Variants in ZPBP observed in about 807,000 individuals in gnomAD.
ZPBP encodes the protein zona pellucida binding protein.
ZPBP carries 26 observed loss-of-function variants against 44.8 expected under a neutral mutation model. That is an observed-to-expected ratio of 0.58 (90% CI 0.43 to 0.81). The LOEUF is 0.81. Among genes scored for constraint, ZPBP ranks in the 30% least tolerant of loss-of-function variants. ZPBP has a pLI of 0.00. For missense variants in ZPBP, 409 were observed against 434.0 expected, an observed-to-expected ratio of 0.94 and a Z score of 0.51; for synonymous variants, 174 against 153.2, an observed-to-expected ratio of 1.14 and a Z score of -1.00.
chr7:50,067,448 T>A (rs1192356884), intron 3 of ZPBP, among the ~76,000 whole-genome samples: 7 of 152,222 alleles, frequency 4.6e-5, no homozygotes, highest in Non-Finnish European at 8.8e-5. Context: ...GCCAAAGAGT[T>A]CTTGTCAGAG....
intron 7 of ZPBP, among the ~76,000 whole-genome samples, chr7:49,957,056 A>G (rs927141423): frequency 1.3e-5 from 2 of 152,122 alleles, no homozygotes; most frequent in African/African-American, 2.4e-5. Context: ...TGTCATTATC[A>G]TGGGGTTGGA....
intron 6 of ZPBP, among the ~76,000 whole-genome samples, chr7:49,993,795 C>T (rs546222773): frequency 6.5e-4 from 99 of 152,280 alleles, no homozygotes; most frequent in African/African-American, 2.3e-3. Flanking sequence ...ATCCATATTG[C>T]TGAACCCATG....
chr7:49,853,327 C>T (rs1387921528), intron 2 of ZPBP, among the ~76,000 whole-genome samples: 1 of 152,246 alleles, frequency 6.6e-6, no homozygotes, highest in African/African-American at 2.4e-5. Flanking sequence ...TGGGGGCACA[C>T]CCCTGTCCCT....
At chr7:50,018,657 G>A (rs147065740) in intron 5 of ZPBP, among the ~76,000 whole-genome samples, 145 of 151,888 alleles carry the variant, frequency 9.5e-4, no homozygotes, top group African/African-American at 3.3e-3. Flanking sequence ...ATTCAATACT[G>A]TATTTAACTC....
At chr7:49,894,716 G>A (rs903663754) in intron 2 of ZPBP, among the ~76,000 whole-genome samples, 1 of 152,214 alleles carries the variant, frequency 6.6e-6, no homozygotes, top group African/African-American at 2.4e-5. Flanking sequence ...CTGTCACTGA[G>A]AAGGCTGTTT....
chr7:49,932,138 G>T (rs538632129), intron 1 of ZPBP, among the ~76,000 whole-genome samples: 1 of 152,358 alleles, frequency 6.6e-6, no homozygotes, highest in South Asian at 2.1e-4. Context: ...CTAAGGCAGT[G>T]TGGAAGGGAA....
intron 7 of ZPBP, among the ~76,000 whole-genome samples, chr7:49,973,898 C>T (rs1796397523): frequency 6.6e-6 from 1 of 152,102 alleles, no homozygotes; most frequent in African/African-American, 2.4e-5. Flanking sequence ...TGATTGCCAA[C>T]AGATAGAAAC....
intron 4 of ZPBP, among the ~76,000 whole-genome samples, chr7:50,038,951 T>C (rs73336032): frequency 0.017 from 2,622 of 152,256 alleles, 87 homozygotes; most frequent in African/African-American, 0.059. Context: ...CAAAATAAAA[T>C]TGTCTAATGA....
chr7:49,943,505 G>A (rs1794974422), intron 7 of ZPBP: 1 of 424,870 alleles, frequency 2.4e-6, no homozygotes, highest in Non-Finnish European at 4.6e-6. Context: ...ACACTCATCT[G>A]TTTCTTGTCA....
At chr7:50,092,043 A>AT (rs1803019577) in intron 1 of ZPBP, among the ~76,000 whole-genome samples, 1 of 152,230 alleles carries the variant, frequency 6.6e-6, no homozygotes, top group South Asian at 2.1e-4. Context: ...AAAATGCTAT[A>AT]TAAGAGGCCT....
At chr7:49,940,695 A>C (rs1794838706) in intron 7 of ZPBP, 2 of 954,066 alleles carry the variant, frequency 2.1e-6, no homozygotes, top group South Asian at 4.8e-5. Context: ...AAAAAAAAAA[A>C]ATTGTGGCAT....
chr7:49,877,454 C>T (rs1451415195), intron 2 of ZPBP, among the ~76,000 whole-genome samples: 1 of 39,170 alleles, frequency 2.6e-5, no homozygotes, highest in East Asian at 8.5e-4. Context: ...AAGTAAGAAA[C>T]TCTGTCTCAA....
intron 6 of ZPBP, among the ~76,000 whole-genome samples, chr7:50,013,908 A>G (rs1022881105): frequency 2.6e-5 from 4 of 152,062 alleles, no homozygotes; most frequent in African/African-American, 9.7e-5. Context: ...TGGCAGTGGC[A>G]TTGTTTTTCT....
intron 1 of ZPBP, chr7:49,912,290 A>T: frequency 8.4e-7 from 1 of 1,187,818 alleles, no homozygotes; most frequent in Non-Finnish European, 1.1e-6. Flanking sequence ...TTTGATGAGG[A>T]ATAATGGAAA....
intron 6 of ZPBP, among the ~76,000 whole-genome samples, chr7:50,001,305 G>A (rs1253822385): frequency 2.0e-5 from 3 of 152,058 alleles, no homozygotes; most frequent in South Asian, 2.1e-4. Flanking sequence ...TGAGTTGTAC[G>A]GTATTTGCTA....
chr7:50,041,349 A>G (rs1215969332), intron 4 of ZPBP, among the ~76,000 whole-genome samples: 1 of 152,158 alleles, frequency 6.6e-6, no homozygotes, highest in African/African-American at 2.4e-5. Context: ...CCTGACCCCC[A>G]TGCCTCCTGA....
At chr7:49,928,532 G>A (rs902044595) in intron 1 of ZPBP, among the ~76,000 whole-genome samples, 7 of 152,164 alleles carry the variant, frequency 4.6e-5, no homozygotes, top group African/African-American at 1.7e-4. Context: ...CTGTCTACTT[G>A]TGGCTGCTGC....
intron 2 of ZPBP, among the ~76,000 whole-genome samples, chr7:50,086,106 A>G (rs1236634793): frequency 2.0e-5 from 3 of 152,130 alleles, no homozygotes; most frequent in Non-Finnish European, 4.4e-5. Context: ...TAGCCTAACT[A>G]AGCTAATTAA....
At chr7:49,992,234 T>A (rs144852851) in intron 6 of ZPBP, among the ~76,000 whole-genome samples, 1 of 152,014 alleles carries the variant, frequency 6.6e-6, no homozygotes, top group African/African-American at 2.4e-5. Flanking sequence ...AAGTAAATGA[T>A]GAAATGAAGA....
Sources: gnomAD v4.1 joint callset for allele counts (sites outside exome capture counted in the v4.1 genomes callset) on GRCh38, gnomAD v4.1.1 for gene constraint, MANE v1.5 for transcripts, NCBI Gene and HGNC (gene_info 2026-07-23, HGNC 2026-07-21) for gene names.